The following MCM3AP variants were observed in gnomAD, a reference collection of about 807,000 sequenced individuals.
MCM3AP encodes the protein germinal-center associated nuclear protein.
Under a neutral mutation model 184.1 loss-of-function variants are expected in MCM3AP, and 126 were observed. That is an observed-to-expected ratio of 0.68 (90% CI 0.59 to 0.79). The LOEUF is 0.79. Ranked by LOEUF, MCM3AP falls within the 30% of genes least tolerant of loss-of-function variation. MCM3AP has a pLI of 0.00. For synonymous variants in MCM3AP, 1,002 were observed against 979.3 expected (o/e 1.02, Z -0.43); for missense variants, 2,496 against 2,479.2 (o/e 1.01, Z -0.14).
intron 10 of MCM3AP, 102 bp from the exon 11 acceptor site, chr21:46,266,268 C>T (rs945277835): frequency 4.7e-6 from 6 of 1,271,200 alleles, no homozygotes; most frequent in East Asian, 2.4e-5. Flanking sequence ...GGTGTCACCA[C>T]AGCCATGTGT....
At position 46,261,016 on chromosome 21, in the gene MCM3AP, C is replaced by T. The variant is rs947466654; in HGVS notation, c.3468-110G>A. ...AGGGATTGAGGTGTGCTGCCTGAGT[C>T]GGTAGGCCACCCCTACTCCAGCTCC... is the stretch of plus-strand genomic sequence containing the variant. On this transcript the variant is annotated intron_variant, in intron 14 of 27. Coordinates refer to ENST00000291688, the MANE Select transcript of MCM3AP (RefSeq NM_003906.5). The T allele has an allele frequency of 3.4e-5, 31 of 917,140 alleles. No individual in the cohort carries two copies. The Middle Eastern group carries it at 7.8e-4, about 23-fold the overall frequency. 56.8% of individuals were successfully genotyped at this position (917,140 alleles called of 1,614,324 possible).
chr21:46,275,583 A>G (rs912665889), intron 5 of MCM3AP, among the ~76,000 whole-genome samples: 3 of 152,120 alleles, frequency 2.0e-5, no homozygotes, highest in African/African-American at 7.2e-5. Flanking sequence ...ACTGCAGACT[A>G]AGAGAAAGAC....
At chr21:46,281,773 C>A (rs2081336139) in intron 2 of MCM3AP, among the ~76,000 whole-genome samples, 1 of 151,698 alleles carries the variant, frequency 6.6e-6, no homozygotes, top group Non-Finnish European at 1.5e-5. Flanking sequence ...GGCCAAGGTG[C>A]GTGGAACACT....
At chr21:46,268,873 A>G (rs1235668732) in intron 9 of MCM3AP, among the ~76,000 whole-genome samples, 1 of 152,076 alleles carries the variant, frequency 6.6e-6, no homozygotes. Context: ...GCGAAATCCC[A>G]TCTCTACTAA....
chr21:46,264,544 G>A (rs941741976), intron 12 of MCM3AP, among the ~76,000 whole-genome samples: 23 of 152,304 alleles, frequency 1.5e-4, no homozygotes, highest in Admixed American at 7.2e-4. Context: ...TGCCTGCCCC[G>A]AAGCAGCCAG....
At chr21:46,246,489 G>T in intron 21 of MCM3AP, 85 bp from the exon 22 acceptor site, 1 of 1,389,488 alleles carries the variant, frequency 7.2e-7, no homozygotes, top group Non-Finnish European at 1.0e-6. Flanking sequence ...ACCCCACCCA[G>T]TCCTGCAGTG....
chr21:46,266,333 G>GT, intron 10 of MCM3AP, 167 bp from the exon 11 acceptor site: 1 of 654,342 alleles, frequency 1.5e-6, no homozygotes, highest in East Asian at 2.7e-5. Flanking sequence ...TGGAGCCTCT[G>GT]TAGGTCCCTA....
At chr21:46,243,002 C>CA (rs2080696964) in intron 24 of MCM3AP, 71 bp from the exon 25 acceptor site, 934 of 1,260,910 alleles carry the variant, frequency 7.4e-4, no homozygotes, top group African/African-American at 2.5e-3. Context: ...AAAAAAAACA[C>CA]ACACAAAAAA....
At chr21:46,266,373 G>A (rs1386687116) in intron 10 of MCM3AP, 4 of 468,914 alleles carry the variant, frequency 8.5e-6, no homozygotes, top group Admixed American at 4.0e-5. Context: ...GTTAACAGAC[G>A]CACGCTGACT....
chr21:46,265,275 A>T, intron 12 of MCM3AP, 46 bp downstream of exon 12: 4 of 1,583,290 alleles, frequency 2.5e-6, no homozygotes, highest in Non-Finnish European at 3.5e-6. Context: ...ACGTTTGCGC[A>T]CAATGGGCTT....
Position 46,280,572 on chromosome 21 carries a change from A to G in MCM3AP, c.1447T>C (p.Ser483Pro). ...LAVVHFFDHA[S>P]AALARKKGKS... Reference sequence around the variant, plus strand: ...CCCTTCTTTCTAGCCAGGGCTGCAGATGCCTGGAAAACAGTCCACAACCGC... The same window carrying G: ...CCCTTCTTTCTAGCCAGGGCTGCAGGTGCCTGGAAAACAGTCCACAACCGC... Residue 483 changes from serine to proline, a missense_variant, in exon 3 of 28, where the codon TCT (serine) becomes CCT (proline). Physicochemically the swap from Ser to Pro is moderately conservative, Grantham distance 74. Transcript: ENST00000291688. 6.2e-7 allele frequency: 1 copy of G among 1,611,012 alleles called. No homozygotes were observed. The highest frequency in any genetic ancestry group is 8.5e-7 in the Non-Finnish European group (1 of 1,177,712).
In MCM3AP at chr21:46,246,896, C is replaced by T. The variant is rs767239446; in HGVS notation, c.4291-10G>A. On this transcript the variant is annotated splice_polypyrimidine_tract_variant and intron_variant, in intron 20 of 27. Transcript: ENST00000291688. ...GGGCGCCATGGGCCACCTGCAACAGCATCAAGATCATCAGGAGAGATGCAC... is the reference window on the plus strand; with the variant it reads ...GGGCGCCATGGGCCACCTGCAACAGTATCAAGATCATCAGGAGAGATGCAC... 2 of 1,612,574 alleles carry T rather than the reference C, an allele frequency of 1.2e-6. No individual in the cohort carries two copies. The highest frequency in any genetic ancestry group is 1.7e-6 in the Non-Finnish European group (2 of 1,178,810).
intron 5 of MCM3AP, among the ~76,000 whole-genome samples, chr21:46,276,255 C>T (rs1008093356): frequency 6.7e-6 from 1 of 148,918 alleles, no homozygotes; most frequent in African/African-American, 2.5e-5. Context: ...AGCAAGACTC[C>T]ATCTCGAGGA....
At chr21:46,260,076 T>TCAAAAAAAAAAAAAAAAAAAAAAA (rs2081022065) in intron 15 of MCM3AP, among the ~76,000 whole-genome samples, 1 of 145,136 alleles carries the variant, frequency 6.9e-6, no homozygotes. Flanking sequence ...ACTCCGTCTT[T>TCAAAAAAAAAAAAAAAAAAAAAAA]AAAAAAAAAA....
chr21:46,274,258 G>C, intron 6 of MCM3AP, among the ~76,000 whole-genome samples: 1 of 152,240 alleles, frequency 6.6e-6, no homozygotes. Context: ...TATTGGTGCA[G>C]CTTTCTGGGG....
At chr21:46,242,498 G>A (rs2080685188) in intron 25 of MCM3AP, 1 of 200,746 alleles carries the variant, frequency 5.0e-6, no homozygotes, top group African/African-American at 2.3e-5. Flanking sequence ...CTGGGAGAAA[G>A]CATACTTGTG....
At chr21:46,257,924 C>CAAAAAA (rs5844261) in intron 16 of MCM3AP, among the ~76,000 whole-genome samples, 1 of 97,074 alleles carries the variant, frequency 1.0e-5, no homozygotes, top group Non-Finnish European at 2.1e-5. Context: ...GACTCCATCT[C>CAAAAAA]AAAAAAAAAA....
rs1387123558 is a variant in MCM3AP at position 46,277,005 on chromosome 21, C to T, written c.1858+522G>A. Among the ~76,000 whole-genome samples, 3 of 152,254 alleles carry T rather than the reference C, an allele frequency of 2.0e-5. No homozygotes were observed. In the East Asian group the frequency reaches 5.8e-4, roughly 29 times the overall value. On this transcript the variant is annotated intron_variant, in intron 5 of 27. Coordinates refer to ENST00000291688, the MANE Select transcript of MCM3AP (RefSeq NM_003906.5). Reference sequence around the variant, plus strand: ...CCTCAGGTGGTCCCTCATGCCTCAGCCTCCCAAAGTGCTGGGATTACAGGT... The same window carrying T: ...CCTCAGGTGGTCCCTCATGCCTCAGTCTCCCAAAGTGCTGGGATTACAGGT...
intron 5 of MCM3AP, among the ~76,000 whole-genome samples, chr21:46,275,677 A>G (rs1335752395): frequency 6.6e-6 from 1 of 152,156 alleles, no homozygotes; most frequent in Non-Finnish European, 1.5e-5. Context: ...GGAGTTTTCT[A>G]ACTCCTGTAA....
Sources: allele counts gnomAD v4.1 joint callset (sites outside exome capture counted in the v4.1 genomes callset), GRCh38; gene constraint gnomAD v4.1.1; transcripts MANE v1.5; gene names NCBI Gene and HGNC (gene_info 2026-07-23, HGNC 2026-07-21).